The following RHOA variants were observed in gnomAD, a reference collection of about 807,000 sequenced individuals.
The protein encoded by RHOA is transforming protein RhoA.
RHOA carries 3 observed loss-of-function variants against 17.5 expected under a neutral mutation model. That is an observed-to-expected ratio of 0.17 (90% CI 0.08 to 0.44). The LOEUF (loss-of-function observed/expected upper bound fraction) is 0.44, where lower values mean the gene tolerates loss of function less well. Among genes scored for constraint, RHOA ranks in the 20% least tolerant of loss-of-function variants. The probability of loss-of-function intolerance (pLI) is 0.99; values close to 1 mark genes in which losing one functional copy is unlikely to be tolerated. For synonymous variants in RHOA, 98 were observed against 88.4 expected (o/e 1.11, Z -0.61); for missense variants, 56 against 242.3 (o/e 0.23, Z 5.10).
intron 1 of RHOA, among the ~76,000 whole-genome samples, chr3:49,389,183 A>G (rs2048453792): frequency 6.6e-6 from 1 of 151,798 alleles, no homozygotes; most frequent in Non-Finnish European, 1.5e-5. Context: ...CTCTACAAAA[A>G]TACAAAAAAA....
intron 1 of RHOA, among the ~76,000 whole-genome samples, chr3:49,398,153 G>C (rs2048650176): frequency 6.6e-6 from 1 of 152,012 alleles, no homozygotes; most frequent in African/African-American, 2.4e-5. Context: ...TTGAGGTCAG[G>C]AGTTTGAGAC....
intron 1 of RHOA, among the ~76,000 whole-genome samples, chr3:49,395,996 T>C (rs546516287): frequency 8.6e-5 from 13 of 152,044 alleles, no homozygotes; most frequent in Non-Finnish European, 1.9e-4. Context: ...GGGGCAGTGA[T>C]CTAGCCAAAG....
rs941871377 is a variant in RHOA, at chr3:49,411,146, G to GT, written c.-3+673dup. The stretch of plus-strand genomic sequence containing the variant: ...TAAATCATTTACAGTTTTGTGTGTT[G>GT]TTTTTTTTTTCCAAATGGAAAATAC... On this transcript the variant is annotated intron_variant, in intron 1 of 4. Transcript: ENST00000418115. Among the ~76,000 whole-genome samples the GT allele has an allele frequency of 3.0e-3, 443 of 148,502 alleles. 3 individuals are homozygous for GT. The highest frequency in any genetic ancestry group is 8.8e-3 in the East Asian group (45 of 5,100).
intron 3 of RHOA, among the ~76,000 whole-genome samples, chr3:49,363,095 A>G (rs758470206): frequency 6.6e-6 from 1 of 152,144 alleles, no homozygotes. Flanking sequence ...CTTCTACCCT[A>G]TGGGGTTTAC....
intron 1 of RHOA, among the ~76,000 whole-genome samples, chr3:49,410,863 G>C (rs924984128): frequency 6.6e-6 from 1 of 152,008 alleles, no homozygotes; most frequent in Non-Finnish European, 1.5e-5. Flanking sequence ...CAACAACAGA[G>C]GTAAAAATTT....
chr3:49,382,905 A>G (rs1295171423), intron 1 of RHOA, among the ~76,000 whole-genome samples: 1 of 151,760 alleles, frequency 6.6e-6, no homozygotes, highest in African/African-American at 2.4e-5. Context: ...AAATACAAAA[A>G]TTAGGTGGGC....
At chr3:49,395,763 A>AT (rs1193653881) in intron 1 of RHOA, among the ~76,000 whole-genome samples, 1 of 141,410 alleles carries the variant, frequency 7.1e-6, no homozygotes, top group Non-Finnish European at 1.6e-5. Context: ...ACGAAAAGTG[A>AT]TTGAGTGGTT....
intron 1 of RHOA, among the ~76,000 whole-genome samples, chr3:49,381,797 G>A (rs1485871640): frequency 1.3e-5 from 2 of 151,498 alleles, no homozygotes; most frequent in Non-Finnish European, 2.9e-5. Context: ...CCCGGGAGGA[G>A]GAAGTTGCAG....
intron 1 of RHOA, among the ~76,000 whole-genome samples, chr3:49,396,723 C>T (rs1247074628): frequency 4.0e-5 from 6 of 151,664 alleles, no homozygotes; most frequent in Non-Finnish European, 8.8e-5. Context: ...AAAGTCAGGC[C>T]GGGTGCAGTT....
intron 3 of RHOA, among the ~76,000 whole-genome samples, chr3:49,365,588 CTT>C (rs62741361): frequency 1.5e-3 from 191 of 124,866 alleles, no homozygotes; most frequent in Middle Eastern, 4.2e-3. Flanking sequence ...AATTTTCAAA[CTT>C]TTTTTTTTTT....
At chr3:49,380,126 T>C (rs2048293725) in intron 1 of RHOA, among the ~76,000 whole-genome samples, 1 of 152,184 alleles carries the variant, frequency 6.6e-6, no homozygotes, top group Admixed American at 6.6e-5. Context: ...AAGTCTTTCT[T>C]AAAGGGAAGT....
chr3:49,396,828 A>T (rs1407775641), intron 1 of RHOA, among the ~76,000 whole-genome samples: 13 of 151,822 alleles, frequency 8.6e-5, no homozygotes. Context: ...TTACTAAAAA[A>T]AATTTTTTTA....
intron 1 of RHOA, among the ~76,000 whole-genome samples, chr3:49,406,008 A>C (rs2048826803): frequency 6.6e-6 from 1 of 152,268 alleles, no homozygotes; most frequent in African/African-American, 2.4e-5. Flanking sequence ...TGAACTTAAG[A>C]TCTTCAAAAG....
In RHOA at chr3:49,368,421, C is replaced by G. The variant is rs1225077426; in HGVS notation, c.277+7G>C. The G allele has an allele frequency of 6.2e-7, 1 of 1,612,804 alleles. No individual in the cohort carries two copies. The highest frequency in any genetic ancestry group is 8.5e-7 in the Non-Finnish European group (1 of 1,179,138). ...AGTGACAAATATCAGGGTGCAGGGC[C>G]ACTCACCTAAACTATCAGGGCTGTC... On this transcript the variant is annotated splice_region_variant and intron_variant, in intron 3 of 4. Coordinates refer to ENST00000418115, the MANE Select transcript of RHOA (RefSeq NM_001664.4).
chr3:49,370,151 G>A (rs2048127631), intron 2 of RHOA, among the ~76,000 whole-genome samples: 1 of 152,128 alleles, frequency 6.6e-6, no homozygotes, highest in African/African-American at 2.4e-5. Flanking sequence ...GGAGACTGAG[G>A]TGGGAGGACT....
At chr3:49,403,979 G>C (rs892387330) in intron 1 of RHOA, among the ~76,000 whole-genome samples, 6 of 150,790 alleles carry the variant, frequency 4.0e-5, no homozygotes, top group Non-Finnish European at 8.9e-5. Flanking sequence ...CCGAAAAAAG[G>C]TACTACAAAC....
chr3:49,395,725 A>G (rs1293895899), intron 1 of RHOA, among the ~76,000 whole-genome samples: 1 of 152,002 alleles, frequency 6.6e-6, no homozygotes, highest in African/African-American at 2.4e-5. Flanking sequence ...AAAAAAAAGA[A>G]GAGGAAGAAA....
Position 49,403,486 on chromosome 3 carries a change from G to A in RHOA, c.-3+8334C>T, listed in dbSNP as rs371371613. Among the ~76,000 whole-genome samples the A allele has an allele frequency of 6.6e-5, 10 of 152,006 alleles. No homozygotes were observed. The East Asian group carries it at 7.7e-4, about 12-fold the overall frequency. On this transcript the variant is annotated intron_variant, in intron 1 of 4. Transcript: ENST00000418115. Reference sequence around the variant, plus strand: ...TCCCAGGGCTTTGTGAGGTTGAGACGAGAGAATCACTTAAGGCCAGGAGTT... The same window carrying A: ...TCCCAGGGCTTTGTGAGGTTGAGACAAGAGAATCACTTAAGGCCAGGAGTT...
At chr3:49,376,070 A>AC (rs1559502083) in intron 1 of RHOA, among the ~76,000 whole-genome samples, 1 of 151,740 alleles carries the variant, frequency 6.6e-6, no homozygotes, top group African/African-American at 2.4e-5. Context: ...TGAACTCCTG[A>AC]CCTCAGGTGA....
Sources: allele counts gnomAD v4.1 joint callset (sites outside exome capture counted in the v4.1 genomes callset), GRCh38; gene constraint gnomAD v4.1.1; transcripts MANE v1.5; gene names NCBI Gene and HGNC (gene_info 2026-07-23, HGNC 2026-07-21).